TFEC: variants seen among roughly 807,000 people sequenced by gnomAD.
TFEC encodes transcription factor EC, also known as class E basic helix-loop-helix protein 34.
TFEC carries 31 observed loss-of-function variants against 41.6 expected under a neutral mutation model. That is an observed-to-expected ratio of 0.74 (90% confidence interval 0.56 to 1.01). The LOEUF (loss-of-function observed/expected upper bound fraction) is 1.01. Ranked by LOEUF, TFEC falls within the 50% of genes least tolerant of loss-of-function variation. TFEC has a pLI of 0.00. For missense variants in TFEC, 402 were observed against 404.1 expected (o/e 0.99, Z 0.04); for synonymous variants, 143 against 140.6 (o/e 1.02, Z -0.12).
intron 3 of TFEC, among the ~76,000 whole-genome samples, chr7:116,100,828 A>G (rs1562969386): frequency 6.6e-6 from 1 of 152,016 alleles, no homozygotes; most frequent in Non-Finnish European, 1.5e-5. Context: ...GGGTCTGAAA[A>G]TATGTTAGGG....
Position 115,940,929 on chromosome 7 carries a change from T to A in TFEC, c.666A>T (p.Glu222Asp). The part of the protein sequence containing the change: ...ANRRLLLRIQ[E>D]LEIQARTHGL... ...CATGAGTACGAGCCTGAATTTCTAG[T>A]TCCTGTAATTTCAAACGAAAATCAT... The change falls in exon 8 of 8, where the codon GAA becomes GAT. Residue 222 changes from glutamate to aspartate, a missense_variant and splice_region_variant. Coordinates refer to ENST00000265440, the MANE Select transcript of TFEC (RefSeq NM_012252.4). 1 of 1,558,004 alleles carries A rather than the reference T, an allele frequency of 6.4e-7. No homozygotes were observed. The highest frequency in any genetic ancestry group is 8.7e-7 in the Non-Finnish European group (1 of 1,149,596).
intron 3 of TFEC, among the ~76,000 whole-genome samples, chr7:116,089,323 G>T (rs1797271143): frequency 6.6e-6 from 1 of 152,150 alleles, no homozygotes; most frequent in Non-Finnish European, 1.5e-5. Flanking sequence ...CACTTAATTG[G>T]AAGAGTAGCC....
intron 1 of TFEC, among the ~76,000 whole-genome samples, chr7:116,126,387 G>A (rs1798209163): frequency 6.6e-6 from 1 of 151,984 alleles, no homozygotes; most frequent in African/African-American, 2.4e-5. Context: ...TTCAATCATG[G>A]AAGTATAACA....
chr7:116,030,061 A>T (rs1795738428), intron 1 of TFEC, among the ~76,000 whole-genome samples: 1 of 152,256 alleles, frequency 6.6e-6, no homozygotes, highest in Non-Finnish European at 1.5e-5. Flanking sequence ...GTGAGACTCC[A>T]TCTCAAAAAA....
At chr7:116,100,377 C>T (rs1023895170) in intron 3 of TFEC, among the ~76,000 whole-genome samples, 4 of 152,078 alleles carry the variant, frequency 2.6e-5, no homozygotes, top group African/African-American at 7.2e-5. Flanking sequence ...ACTACTCAAG[C>T]TATTATTTTA....
Position 116,062,225 on chromosome 7 carries a change from C to CT in TFEC, c.198+48482dup, listed in dbSNP as rs569480964. The stretch of plus-strand genomic sequence containing the variant: ...ACAGGCATGTGCCAACATGCCTGGC[C>CT]TTTTTTTTTTTTTTTTTTTTTTTTT... On this transcript the variant is annotated intron_variant, in intron 3 of 8. Coordinates refer to the TFEC transcript ENST00000484212. 3.3e-3 allele frequency among the ~76,000 whole-genome samples: 169 copies of CT among 51,900 alleles called. 13 individuals carry two copies. Among genetic ancestry groups the CT allele is most frequent in the African/African-American group, 0.012 (103 of 8,888 alleles). 34.0% of individuals were successfully genotyped at this position (51,900 alleles called of 152,430 possible). A position where few individuals can be genotyped will look rare whatever the true frequency, so the allele number is the denominator to read the frequency against.
chr7:116,080,158 T>C (rs1245444301), intron 3 of TFEC, among the ~76,000 whole-genome samples: 1 of 152,060 alleles, frequency 6.6e-6, no homozygotes, highest in Non-Finnish European at 1.5e-5. Flanking sequence ...TCCTCATCTC[T>C]CACATTATAA....
At chr7:116,120,984 T>C (rs1162278461) in intron 1 of TFEC, among the ~76,000 whole-genome samples, 2 of 151,862 alleles carry the variant, frequency 1.3e-5, no homozygotes, top group Admixed American at 6.6e-5. Flanking sequence ...TATGTAAAAA[T>C]AAAAGTAGGT....
chr7:116,069,975 T>C (rs1395016310), intron 3 of TFEC, among the ~76,000 whole-genome samples: 1 of 151,482 alleles, frequency 6.6e-6, no homozygotes, highest in Non-Finnish European at 1.5e-5. Context: ...AATATATAAA[T>C]ATGTAGATGT....
chr7:116,085,090 A>G (rs1467917758), intron 3 of TFEC, among the ~76,000 whole-genome samples: 1 of 151,876 alleles, frequency 6.6e-6, no homozygotes, highest in Non-Finnish European at 1.5e-5. Flanking sequence ...CCAGTCATGC[A>G]AAGAGCAGGG....
chr7:116,061,714 G>A (rs563272504), intron 3 of TFEC, among the ~76,000 whole-genome samples: 1 of 152,194 alleles, frequency 6.6e-6, no homozygotes, highest in East Asian at 1.9e-4. Context: ...GTTGATGAGG[G>A]TGTATATTCA....
intron 1 of TFEC, chr7:116,117,549 T>A (rs1216096756): frequency 2.0e-5 from 3 of 151,798 alleles, no homozygotes; most frequent in African/African-American, 7.3e-5. Context: ...TCTTATCCTA[T>A]CTAAAGAATG....
At chr7:116,156,787 C>T (rs1175583633) in intron 1 of TFEC, among the ~76,000 whole-genome samples, 1 of 152,166 alleles carries the variant, frequency 6.6e-6, no homozygotes, top group African/African-American at 2.4e-5. Context: ...ACGGTAAAGG[C>T]ATTCATACCT....
At chr7:115,998,851 A>AAG (rs71137144) in intron 1 of TFEC, among the ~76,000 whole-genome samples, 1 of 151,360 alleles carries the variant, frequency 6.6e-6, no homozygotes, top group Non-Finnish European at 1.5e-5. Flanking sequence ...ATTAGCGCTA[A>AAG]AGAGAGAGAG....
intron 3 of TFEC, among the ~76,000 whole-genome samples, chr7:116,101,966 C>T (rs1797615256): frequency 6.6e-6 from 1 of 152,126 alleles, no homozygotes; most frequent in South Asian, 2.1e-4. Flanking sequence ...GTATCCTTTT[C>T]TATAGTCTTT....
chr7:116,125,893 A>C (rs904156592), intron 1 of TFEC, among the ~76,000 whole-genome samples: 1 of 152,200 alleles, frequency 6.6e-6, no homozygotes, highest in African/African-American at 2.4e-5. Flanking sequence ...TGTGATTTGC[A>C]AACCATCAAG....
rs1471290036 is a variant in TFEC, at chr7:115,974,177, T to G, written c.260A>C (p.Gln87Pro). ...GGGTCTGAAAGCACTTACTGTTCTT[T>G]GCATTAGCAGAGGAGAGTCTGCTCC... ...EEGADSPLLMQRTLSGSILDV... is the reference protein window; with the variant it reads ...EEGADSPLLMPRTLSGSILDV... Residue 87 changes from glutamine (Q) to proline (P), a missense_variant, in exon 3 of 8, where the codon CAA (glutamine) becomes CCA (proline). Gln to Pro is a moderately conservative substitution (Grantham distance 76). Transcript: ENST00000265440. The G allele has an allele frequency of 1.3e-6, 2 of 1,594,094 alleles. No individual in the cohort carries two copies. Among genetic ancestry groups the G allele is most frequent in the Middle Eastern group, 1.7e-4 (1 of 6,016 alleles).
At chr7:115,951,665 G>A (rs969591636) in intron 5 of TFEC, among the ~76,000 whole-genome samples, 1 of 152,060 alleles carries the variant, frequency 6.6e-6, no homozygotes, top group Non-Finnish European at 1.5e-5. Flanking sequence ...GGGGACAAGA[G>A]TGGGCAAGAA....
chr7:116,005,253 T>C (rs112750389), intron 1 of TFEC, among the ~76,000 whole-genome samples: 4,030 of 152,214 alleles, frequency 0.026, 69 homozygotes, highest in Non-Finnish European at 0.038. Context: ...GTGACAGGTA[T>C]AGGTGGAACA....
Sources: gnomAD v4.1 joint callset for allele counts (sites outside exome capture counted in the v4.1 genomes callset) on GRCh38, gnomAD v4.1.1 for gene constraint, MANE v1.5 for transcripts, NCBI Gene and HGNC (gene_info 2026-07-23, HGNC 2026-07-21) for gene names.